Variants in CNTN1 observed in about 807,000 individuals in gnomAD.
CNTN1 encodes the protein contactin 1.
A neutral mutation model predicts 126.4 loss-of-function variants in CNTN1; 38 were observed. The ratio of observed to expected loss-of-function variants is 0.30; its 90% confidence interval spans 0.23 to 0.39. CNTN1 has a LOEUF of 0.39. Ranked by LOEUF, CNTN1 falls within the 10% of genes least tolerant of loss-of-function variation. The probability of loss-of-function intolerance (pLI) is 1.00; values close to 1 mark genes in which losing one functional copy is unlikely to be tolerated. For synonymous variants in CNTN1, 413 were observed against 422.6 expected (o/e 0.98, Z 0.28); for missense variants, 1,009 against 1,248.4 (o/e 0.81, Z 2.89).
At chr12:40,942,261 G>C (rs1211205880) in intron 12 of CNTN1, among the ~76,000 whole-genome samples, 1 of 152,062 alleles carries the variant, frequency 6.6e-6, no homozygotes. Flanking sequence ...AGGAAGATTA[G>C]CTATGTAAGA....
intron 1 of CNTN1, among the ~76,000 whole-genome samples, chr12:40,838,423 G>A (rs967767581): frequency 7.2e-5 from 11 of 152,114 alleles, no homozygotes; most frequent in African/African-American, 2.4e-4. Context: ...ACACCCACTT[G>A]GCCTACTGCT....
intron 1 of CNTN1, among the ~76,000 whole-genome samples, chr12:40,802,191 C>A (rs1231553504): frequency 6.6e-6 from 1 of 151,874 alleles, no homozygotes; most frequent in Non-Finnish European, 1.5e-5. Context: ...GAAAAGATAT[C>A]TTGGTTGGAG....
chr12:40,932,651 G>A (rs1183286692), intron 7 of CNTN1, among the ~76,000 whole-genome samples: 1 of 151,814 alleles, frequency 6.6e-6, no homozygotes, highest in Non-Finnish European at 1.5e-5. Context: ...TATGGTGTTT[G>A]CTCAAGCTAA....
chr12:40,836,297 GTA>G (rs149516252), intron 1 of CNTN1, among the ~76,000 whole-genome samples: 6 of 147,928 alleles, frequency 4.1e-5, no homozygotes, highest in Non-Finnish European at 7.4e-5. Flanking sequence ...ACATATATGT[GTA>G]TATATATATA....
In CNTN1 at chr12:40,972,056, A is replaced by C. The variant is rs1043293810; in HGVS notation, c.1805-8853A>C. 15 of 985,926 alleles carry C rather than the reference A, an allele frequency of 1.5e-5. No individual in the cohort carries two copies. The African/African-American group carries it at 2.3e-4, about 15-fold the overall frequency. 61.1% of individuals were successfully genotyped at this position (985,926 alleles called of 1,614,324 possible). On this transcript the variant is annotated intron_variant, in intron 15 of 23. Coordinates refer to ENST00000551295, the MANE Select transcript of CNTN1 (RefSeq NM_001843.4). The stretch of plus-strand genomic sequence containing the variant: ...AAAGAATGAAAAGCATTAGTAAACA[A>C]CTGAAGTCCTACCATGGCTCTGTAG...
At chr12:40,817,212 C>A (rs1463686188) in intron 1 of CNTN1, among the ~76,000 whole-genome samples, 1 of 152,102 alleles carries the variant, frequency 6.6e-6, no homozygotes, top group Non-Finnish European at 1.5e-5. Context: ...TGTTAATTTT[C>A]TCTCTCATTG....
At chr12:40,772,084 T>A (rs938150795) in intron 1 of CNTN1, among the ~76,000 whole-genome samples, 2 of 152,174 alleles carry the variant, frequency 1.3e-5, no homozygotes, top group Admixed American at 6.6e-5. Context: ...AATACTAATT[T>A]TGGCTTCACC....
intron 1 of CNTN1, among the ~76,000 whole-genome samples, chr12:40,794,225 G>A (rs1452663542): frequency 6.6e-6 from 1 of 152,066 alleles, no homozygotes; most frequent in Non-Finnish European, 1.5e-5. Context: ...TTGTATTGCT[G>A]AAGTGCTTTG....
chr12:41,069,868 T>C, intron 23 of CNTN1, 91 bp from the exon 24 acceptor site: 1 of 967,978 alleles, frequency 1.0e-6, no homozygotes, highest in Non-Finnish European at 1.7e-6. Flanking sequence ...TTTCCAGGGC[T>C]ATGCAATCTC....
intron 1 of CNTN1, among the ~76,000 whole-genome samples, chr12:40,843,344 A>G (rs978865496): frequency 1.3e-5 from 2 of 152,200 alleles, no homozygotes; most frequent in Non-Finnish European, 2.9e-5. Context: ...CTGTTCAATA[A>G]AAGTTCTTTG....
chr12:40,741,390 C>A (rs1937938111), intron 1 of CNTN1, among the ~76,000 whole-genome samples: 1 of 152,060 alleles, frequency 6.6e-6, no homozygotes, highest in Non-Finnish European at 1.5e-5. Flanking sequence ...AATGAGGAAG[C>A]TTCCCTCATC....
intron 6 of CNTN1, among the ~76,000 whole-genome samples, chr12:40,926,010 A>G (rs1945673046): frequency 6.6e-6 from 1 of 151,562 alleles, no homozygotes; most frequent in African/African-American, 2.4e-5. Context: ...AAAATCTCTT[A>G]TGAGTATTTG....
At chr12:41,014,800 T>G (rs2120731890) in intron 18 of CNTN1, among the ~76,000 whole-genome samples, 1 of 152,298 alleles carries the variant, frequency 6.6e-6, no homozygotes, top group Admixed American at 6.5e-5. Context: ...TATTACAGTT[T>G]CGTGAGTCAA....
At position 41,027,924 on chromosome 12, in the gene CNTN1, T is replaced by A; in HGVS notation, c.2778T>A (p.Asp926Glu). The A allele has an allele frequency of 1.9e-6, 3 of 1,613,634 alleles. No individual in the cohort carries two copies. The highest frequency in any genetic ancestry group is 2.5e-6 in the Non-Finnish European group (3 of 1,179,592). ...GTTCACGCTATATAATCACCTGGGA[T>A]CATGTCGTTGCACTATCAAATGAAT... Reference protein sequence around the residue: ...RSGSRYIITWDHVVALSNEST... With the variant: ...RSGSRYIITWEHVVALSNEST... The change falls in exon 22 of 24, where the codon GAT (aspartate) becomes GAA (glutamate). Residue 926 changes from aspartate (D) to glutamate (E), a missense_variant. By Grantham distance (45) the Asp-to-Glu change is conservative (BLOSUM62 2). Coordinates refer to ENST00000551295, the MANE Select transcript of CNTN1 (RefSeq NM_001843.4).
intron 1 of CNTN1, among the ~76,000 whole-genome samples, chr12:40,831,645 T>C (rs1311566394): frequency 6.6e-6 from 1 of 152,170 alleles, no homozygotes; most frequent in Non-Finnish European, 1.5e-5. Flanking sequence ...GCTTTATGGA[T>C]GCTTCACCAA....
chr12:40,916,724 A>G (rs1447312634), intron 3 of CNTN1, among the ~76,000 whole-genome samples: 1 of 152,050 alleles, frequency 6.6e-6, no homozygotes, highest in Non-Finnish European at 1.5e-5. Flanking sequence ...TTGTAATCTT[A>G]ATAATAATTG....
At chr12:40,925,273 CATTT>C (rs1468123003) in intron 6 of CNTN1, among the ~76,000 whole-genome samples, 1 of 151,836 alleles carries the variant, frequency 6.6e-6, no homozygotes, top group Non-Finnish European at 1.5e-5. Context: ...CACCAATTTT[CATTT>C]ATTTATCAAA....
At chr12:40,938,682 C>G (rs1182433738) in intron 11 of CNTN1, among the ~76,000 whole-genome samples, 1 of 152,134 alleles carries the variant, frequency 6.6e-6, no homozygotes, top group African/African-American at 2.4e-5. Flanking sequence ...TTTTTTCCAG[C>G]CTTTCACTTT....
intron 23 of CNTN1, among the ~76,000 whole-genome samples, chr12:41,043,874 T>C (rs1194500424): frequency 6.7e-6 from 1 of 149,582 alleles, no homozygotes; most frequent in East Asian, 2.0e-4. Flanking sequence ...TTGGAAATCA[T>C]CATTCTCAGT....
Sources: gnomAD v4.1 joint callset for allele counts (sites outside exome capture counted in the v4.1 genomes callset) on GRCh38, gnomAD v4.1.1 for gene constraint, MANE v1.5 for transcripts, NCBI Gene and HGNC (gene_info 2026-07-23, HGNC 2026-07-21) for gene names.